NPFFR2: variants seen among roughly 807,000 people sequenced by gnomAD.
NPFFR2 encodes neuropeptide FF receptor 2, also known as G-protein coupled receptor 74.
Under a neutral mutation model 13.1 loss-of-function variants are expected in NPFFR2, and 15 were observed. The ratio of observed to expected loss-of-function variants is 1.15; its 90% CI spans 0.77 to 1.76. The LOEUF (loss-of-function observed/expected upper bound fraction) is 1.76. Among genes scored for constraint, NPFFR2 ranks in the 40% most tolerant of loss-of-function variants. The pLI, the probability that NPFFR2 is intolerant of heterozygous loss-of-function variation, is 0.00. For missense variants in NPFFR2, 572 were observed against 503.5 expected, an observed-to-expected ratio of 1.14 and a Z score of -1.30; for synonymous variants, 190 against 175.7, an observed-to-expected ratio of 1.08 and a Z score of -0.65.
chr4:72,136,322 C>T (rs1722410163), intron 2 of NPFFR2, among the ~76,000 whole-genome samples: 1 of 151,992 alleles, frequency 6.6e-6, no homozygotes, highest in Non-Finnish European at 1.5e-5. Context: ...GTTAAGGCTA[C>T]AGTGAACCAT....
intron 1 of NPFFR2, among the ~76,000 whole-genome samples, chr4:72,045,995 A>G (rs1401557869): frequency 6.6e-6 from 1 of 152,176 alleles, no homozygotes; most frequent in Non-Finnish European, 1.5e-5. Context: ...AAAGATGTTT[A>G]TTGCAGTATT....
chr4:72,133,326 G>T (rs1432561178), intron 2 of NPFFR2, among the ~76,000 whole-genome samples: 1 of 152,098 alleles, frequency 6.6e-6, no homozygotes, highest in Non-Finnish European at 1.5e-5. Flanking sequence ...GTAGGTGCAT[G>T]GATTTGTTTC....
chr4:72,042,658 A>G (rs1016975236), intron 1 of NPFFR2, among the ~76,000 whole-genome samples: 3 of 152,180 alleles, frequency 2.0e-5, no homozygotes, highest in African/African-American at 7.2e-5. Flanking sequence ...TGTATGCTTT[A>G]GCAAAGAGTC....
intron 1 of NPFFR2, among the ~76,000 whole-genome samples, chr4:72,080,170 T>G (rs752582251): frequency 6.6e-6 from 1 of 151,614 alleles, no homozygotes; most frequent in Non-Finnish European, 1.5e-5. Context: ...TTTTGTTTTG[T>G]TTTTCTTTTT....
chr4:72,050,969 T>A (rs1041623362), intron 1 of NPFFR2, among the ~76,000 whole-genome samples: 2 of 151,970 alleles, frequency 1.3e-5, no homozygotes, highest in Non-Finnish European at 1.5e-5. Context: ...TGCATAGTAT[T>A]CCATGGTGTA....
At chr4:72,091,699 T>C (rs1173232452) in intron 1 of NPFFR2, among the ~76,000 whole-genome samples, 2 of 152,142 alleles carry the variant, frequency 1.3e-5, no homozygotes, top group Non-Finnish European at 2.9e-5. Context: ...TTGTTTTTAA[T>C]TGAGTTTATT....
chr4:72,127,641 G>A (rs1458126961), intron 1 of NPFFR2, among the ~76,000 whole-genome samples: 1 of 151,366 alleles, frequency 6.6e-6, no homozygotes, highest in Admixed American at 6.6e-5. Flanking sequence ...GGGATTACAG[G>A]CGTGAGCCAC....
intron 1 of NPFFR2, among the ~76,000 whole-genome samples, chr4:72,095,959 GTGTTTTAGAAATAAT>G (rs148613851): frequency 0.084 from 12,851 of 152,152 alleles, 759 homozygotes; most frequent in Non-Finnish European, 0.12. Flanking sequence ...CTGATGTCTA[GTGTTTTAGAAATAAT>G]TGTTTCAATA....
intron 1 of NPFFR2, among the ~76,000 whole-genome samples, chr4:72,095,479 C>T (rs533308170): frequency 6.6e-6 from 1 of 152,136 alleles, no homozygotes; most frequent in African/African-American, 2.4e-5. Context: ...TCACTATGAA[C>T]AGATATAGAA....
intron 2 of NPFFR2, among the ~76,000 whole-genome samples, chr4:72,135,952 T>A (rs575023712): frequency 1.3e-5 from 2 of 152,274 alleles, no homozygotes; most frequent in East Asian, 3.9e-4. Context: ...ATCCATCACC[T>A]CAAGCATTTA....
At chr4:72,112,634 G>A (rs1315667833) in intron 1 of NPFFR2, among the ~76,000 whole-genome samples, 1 of 151,958 alleles carries the variant, frequency 6.6e-6, no homozygotes, top group Non-Finnish European at 1.5e-5. Context: ...AGACAGGTTG[G>A]TGTTGGTCAT....
At chr4:72,032,853 G>A (rs1022497164) in intron 1 of NPFFR2, among the ~76,000 whole-genome samples, 1 of 152,066 alleles carries the variant, frequency 6.6e-6, no homozygotes, top group Non-Finnish European at 1.5e-5. Context: ...TCAAGCTGTC[G>A]TTCTAGTTAA....
In NPFFR2 at chr4:72,102,709, T is replaced by G. The variant is rs551067611; in HGVS notation, c.-7-25876T>G. Among the ~76,000 whole-genome samples the G allele has an allele frequency of 4.0e-5, 6 of 151,856 alleles. No individual in the cohort carries two copies. The East Asian group carries it at 1.2e-3, about 30-fold the overall frequency. ...GTCCCTACAAAGGACATGAACTCAT[T>G]TTTATGGCTGCATAGTATTCCATGG... On this transcript the variant is annotated intron_variant, in intron 1 of 3. Transcript: ENST00000308744.
At chr4:72,112,499 C>G (rs892935988) in intron 1 of NPFFR2, among the ~76,000 whole-genome samples, 3 of 151,936 alleles carry the variant, frequency 2.0e-5, no homozygotes, top group African/African-American at 7.2e-5. Context: ...ATCATCATCT[C>G]CTAAATATTC....
At position 72,116,548 on chromosome 4, in the gene NPFFR2, C is replaced by CAGGGGTATTTTAG. The variant is rs1277676497; in HGVS notation, c.-7-12037_-7-12036insAGGGGTATTTTAG. Among the ~76,000 whole-genome samples, 3 of 151,904 alleles carry CAGGGGTATTTTAG rather than the reference C, an allele frequency of 2.0e-5. No individual in the cohort carries two copies. In the East Asian group the frequency reaches 5.8e-4, roughly 29 times the overall value. On this transcript the variant is annotated intron_variant, in intron 1 of 3. Coordinates refer to ENST00000308744, the MANE Select transcript of NPFFR2 (RefSeq NM_004885.3). The stretch of plus-strand genomic sequence containing the variant: ...TATACCCATGCAACAAATCTGCACA[C>CAGGGGTATTTTAG]GTACCCCTGAACCTAAAATAAAAGT...
At chr4:72,091,551 T>G (rs1720918209) in intron 1 of NPFFR2, among the ~76,000 whole-genome samples, 1 of 152,156 alleles carries the variant, frequency 6.6e-6, no homozygotes, top group Admixed American at 6.6e-5. Context: ...CTTCTTCTGG[T>G]TTAATCTAGG....
chr4:72,137,015 G>C (rs560735410), intron 2 of NPFFR2, among the ~76,000 whole-genome samples: 1 of 152,276 alleles, frequency 6.6e-6, no homozygotes, highest in East Asian at 1.9e-4. Context: ...CCAACGGCTA[G>C]ACACAGTTTT....
chr4:72,131,943 T>TA (rs35231729), intron 2 of NPFFR2, among the ~76,000 whole-genome samples: 38,578 of 144,160 alleles, frequency 0.27, 5,430 homozygotes, highest in Middle Eastern at 0.38. Context: ...CAATAAATGT[T>TA]AAAAAAAAAA....
At position 72,107,243 on chromosome 4, in the gene NPFFR2, C is replaced by T. The variant is rs146197021; in HGVS notation, c.-7-21342C>T. Among the ~76,000 whole-genome samples the T allele has an allele frequency of 2.4e-3, 360 of 151,304 alleles. 4 individuals are homozygous for T. The highest frequency in any genetic ancestry group is 8.3e-3 in the African/African-American group (341 of 41,278). On this transcript the variant is annotated intron_variant, in intron 1 of 3. Coordinates refer to ENST00000308744, the MANE Select transcript of NPFFR2 (RefSeq NM_004885.3). ...CCTGCTCACAACTTGGGGTTATAGG[C>T]AGGGTGGGGGAGTACTTTTTTGTGT...
Sources: gnomAD v4.1 joint callset for allele counts (sites outside exome capture counted in the v4.1 genomes callset) on GRCh38, gnomAD v4.1.1 for gene constraint, MANE v1.5 for transcripts, NCBI Gene and HGNC (gene_info 2026-07-23, HGNC 2026-07-21) for gene names.